Variants in GRID2 observed in about 807,000 individuals in gnomAD.
The protein encoded by GRID2 is glutamate ionotropic receptor delta type subunit 2, also known as glutamate receptor ionotropic, delta-2.
Under a neutral mutation model 114.8 loss-of-function variants are expected in GRID2, and 33 were observed. The ratio of observed to expected loss-of-function variants is 0.29; its 90% CI spans 0.22 to 0.38. The LOEUF (loss-of-function observed/expected upper bound fraction) is 0.38. GRID2 is among the 10% of genes least tolerant of loss of function. The pLI, the probability that GRID2 is intolerant of heterozygous loss-of-function variation, is 1.00. For synonymous variants in GRID2, 505 were observed against 449.9 expected (o/e 1.12, Z -1.55); for missense variants, 1,184 against 1,257.7 (o/e 0.94, Z 0.89).
At chr4:93,695,911 A>T (rs985000980) in intron 14 of GRID2, among the ~76,000 whole-genome samples, 2 of 152,200 alleles carry the variant, frequency 1.3e-5, no homozygotes, top group African/African-American at 4.8e-5. Context: ...TAATTTGCAA[A>T]ACTTTATAAA....
intron 14 of GRID2, among the ~76,000 whole-genome samples, chr4:93,726,694 C>T (rs2110210057): frequency 6.6e-6 from 1 of 152,164 alleles, no homozygotes; most frequent in Middle Eastern, 3.4e-3. Context: ...TTGAAGAGGT[C>T]CTTCACATCT....
intron 8 of GRID2, among the ~76,000 whole-genome samples, chr4:93,271,138 A>G (rs969833424): frequency 6.6e-6 from 1 of 152,168 alleles, no homozygotes; most frequent in African/African-American, 2.4e-5. Flanking sequence ...AGAAGACAGA[A>G]TATCTCTTGT....
chr4:92,942,939 G>T (rs770834596), intron 2 of GRID2, among the ~76,000 whole-genome samples: 45 of 152,178 alleles, frequency 3.0e-4, no homozygotes, highest in Non-Finnish European at 6.5e-4. Context: ...CGAGAGATCT[G>T]CTGTTATTCT....
chr4:93,783,066 C>T (rs1734511761), intron 1 of GRID2, among the ~76,000 whole-genome samples: 1 of 152,138 alleles, frequency 6.6e-6, no homozygotes, highest in East Asian at 1.9e-4. Flanking sequence ...TGGCATATAT[C>T]CTCAATAAGA....
chr4:93,390,351 C>A (rs908043967), intron 8 of GRID2, among the ~76,000 whole-genome samples: 1 of 152,124 alleles, frequency 6.6e-6, no homozygotes, highest in Non-Finnish European at 1.5e-5. Flanking sequence ...AAAAATGAGA[C>A]TGAGCAAGGA....
At chr4:92,502,172 T>G (rs924739718) in intron 1 of GRID2, among the ~76,000 whole-genome samples, 1 of 152,110 alleles carries the variant, frequency 6.6e-6, no homozygotes, top group South Asian at 2.1e-4. Context: ...GTATTTTAAT[T>G]TTTTTAACAT....
chr4:92,983,320 C>T (rs547083129), intron 2 of GRID2, among the ~76,000 whole-genome samples: 1 of 152,036 alleles, frequency 6.6e-6, no homozygotes, highest in East Asian at 1.9e-4. Flanking sequence ...GGTGAAAGGG[C>T]ATGCAGGAGT....
intron 2 of GRID2, among the ~76,000 whole-genome samples, chr4:92,804,912 A>T (rs1008619642): frequency 3.3e-5 from 5 of 152,034 alleles, no homozygotes; most frequent in Non-Finnish European, 5.9e-5. Flanking sequence ...TGAAAAATTG[A>T]TGGGAATGAT....
chr4:93,706,921 G>A (rs1398242100), intron 14 of GRID2, among the ~76,000 whole-genome samples: 2 of 151,836 alleles, frequency 1.3e-5, no homozygotes, highest in Non-Finnish European at 2.9e-5. Context: ...TTATTATGAA[G>A]GAATATTGGT....
intron 13 of GRID2, among the ~76,000 whole-genome samples, chr4:93,589,620 A>G (rs558749220): frequency 6.6e-6 from 1 of 151,822 alleles, no homozygotes; most frequent in Admixed American, 6.6e-5. Flanking sequence ...TCCCTGAGGA[A>G]TCGCCACACT....
intron 2 of GRID2, among the ~76,000 whole-genome samples, chr4:92,849,575 G>T (rs1295516948): frequency 1.3e-5 from 2 of 151,780 alleles, no homozygotes; most frequent in South Asian, 4.2e-4. Flanking sequence ...ACCTCACATT[G>T]TCAGCTTCTA....
intron 1 of GRID2, among the ~76,000 whole-genome samples, chr4:92,453,468 A>G (rs1053707955): frequency 6.6e-6 from 1 of 152,312 alleles, no homozygotes; most frequent in East Asian, 1.9e-4. Flanking sequence ...GTATTCATAT[A>G]CATATATGCA....
chr4:93,529,045 A>G (rs1285176243), intron 13 of GRID2, among the ~76,000 whole-genome samples: 2 of 152,180 alleles, frequency 1.3e-5, no homozygotes, highest in Non-Finnish European at 2.9e-5. Context: ...AATTCTGGTC[A>G]CTTGCTCTTT....
intron 2 of GRID2, among the ~76,000 whole-genome samples, chr4:92,756,735 A>G (rs2149342531): frequency 6.6e-6 from 1 of 151,910 alleles, no homozygotes; most frequent in East Asian, 1.9e-4. Flanking sequence ...TTTTTCATAT[A>G]CCTGTTGGTG....
At chr4:93,227,163 C>T (rs377516541) in intron 7 of GRID2, among the ~76,000 whole-genome samples, 20 of 152,208 alleles carry the variant, frequency 1.3e-4, no homozygotes, top group South Asian at 1.0e-3. Context: ...AATAGCACAT[C>T]GCTCCTTTGT....
intron 2 of GRID2, among the ~76,000 whole-genome samples, chr4:92,622,600 T>TAAA (rs771733993): frequency 6.6e-5 from 10 of 151,594 alleles, no homozygotes; most frequent in Admixed American, 5.3e-4. Context: ...CCCTCATTTT[T>TAAA]AAAAAAGATT....
intron 2 of GRID2, among the ~76,000 whole-genome samples, chr4:92,661,750 C>G (rs1284258327): frequency 6.6e-6 from 1 of 150,682 alleles, no homozygotes; most frequent in African/African-American, 2.4e-5. Context: ...TGTTTAATTT[C>G]TCAACTGAAA....
At chr4:92,615,927 A>G (rs1376115340) in intron 2 of GRID2, among the ~76,000 whole-genome samples, 2 of 151,598 alleles carry the variant, frequency 1.3e-5, no homozygotes, top group African/African-American at 2.4e-5. Context: ...CACTGTTATT[A>G]TGCTGTTATT....
intron 10 of GRID2, among the ~76,000 whole-genome samples, chr4:93,429,145 G>A (rs1769155642): frequency 6.6e-6 from 1 of 152,056 alleles, no homozygotes; most frequent in African/African-American, 2.4e-5. Context: ...TAAAGCAGAC[G>A]GCTCTTCTCT....
Sources: gnomAD v4.1 joint callset for allele counts (sites outside exome capture counted in the v4.1 genomes callset) on GRCh38, gnomAD v4.1.1 for gene constraint, MANE v1.5 for transcripts, NCBI Gene and HGNC (gene_info 2026-07-23, HGNC 2026-07-21) for gene names.